The following LRMDA variants were observed in gnomAD, a reference collection of about 807,000 sequenced individuals.
LRMDA encodes leucine rich melanocyte differentiation associated.
In LRMDA, 18 loss-of-function variants were observed where a neutral mutation model predicts 29.8. That is an observed-to-expected ratio of 0.60 (90% confidence interval 0.42 to 0.90). The LOEUF (loss-of-function observed/expected upper bound fraction) is 0.90, where lower values mean the gene tolerates loss of function less well. LRMDA is among the 40% of genes least tolerant of loss of function. The probability of loss-of-function intolerance (pLI) is 0.00; values close to 1 mark genes in which losing one functional copy is unlikely to be tolerated. For missense variants in LRMDA, 273 were observed against 273.9 expected, an observed-to-expected ratio of 1.00 and a Z score of 0.02; for synonymous variants, 125 against 109.4, an observed-to-expected ratio of 1.14 and a Z score of -0.89.
intron 2 of LRMDA, among the ~76,000 whole-genome samples, chr10:75,502,657 T>C (rs1166142936): frequency 1.3e-5 from 2 of 152,230 alleles, no homozygotes; most frequent in African/African-American, 2.4e-5. Flanking sequence ...AAGTATGGGC[T>C]TAAGTTTACT....
intron 5 of LRMDA, among the ~76,000 whole-genome samples, chr10:76,255,317 G>C (rs781619954): frequency 2.0e-5 from 3 of 152,112 alleles, no homozygotes; most frequent in Non-Finnish European, 4.4e-5. Context: ...GCAATCTTCC[G>C]CTGTCCTTAA....
At chr10:75,734,409 G>A (rs982430179) in intron 2 of LRMDA, among the ~76,000 whole-genome samples, 1 of 151,956 alleles carries the variant, frequency 6.6e-6, no homozygotes, top group Non-Finnish European at 1.5e-5. Flanking sequence ...AAAGTCACAG[G>A]GTGAGTATTC....
At chr10:75,872,539 C>T (rs927709306) in intron 2 of LRMDA, among the ~76,000 whole-genome samples, 20 of 152,054 alleles carry the variant, frequency 1.3e-4, no homozygotes, top group Non-Finnish European at 2.6e-4. Context: ...CTCCTGACCT[C>T]GTGATCCGCC....
chr10:75,450,122 T>A (rs901565643), intron 2 of LRMDA: 1 of 152,200 alleles, frequency 6.6e-6, no homozygotes, highest in Non-Finnish European at 1.5e-5. Context: ...AAATTCTCCC[T>A]GGCCGAGACT....
At chr10:75,857,909 C>A (rs1217072723) in intron 2 of LRMDA, among the ~76,000 whole-genome samples, 1 of 152,212 alleles carries the variant, frequency 6.6e-6, no homozygotes, top group Non-Finnish European at 1.5e-5. Context: ...GTTTTACTGG[C>A]CCTACAGGGA....
At chr10:76,243,485 A>G (rs1002131521) in intron 5 of LRMDA, among the ~76,000 whole-genome samples, 1 of 152,230 alleles carries the variant, frequency 6.6e-6, no homozygotes, top group Non-Finnish European at 1.5e-5. Context: ...GGGCTGAGCT[A>G]TACAAAGGAG....
chr10:76,310,557 T>G (rs1042375112), intron 5 of LRMDA, among the ~76,000 whole-genome samples: 2 of 152,186 alleles, frequency 1.3e-5, no homozygotes, highest in Admixed American at 6.5e-5. Flanking sequence ...AAACTACCAT[T>G]TTGTTAGGTC....
intron 2 of LRMDA, among the ~76,000 whole-genome samples, chr10:75,945,859 A>G (rs1245834617): frequency 6.6e-6 from 1 of 152,126 alleles, no homozygotes; most frequent in African/African-American, 2.4e-5. Context: ...TCAGCTTGCC[A>G]TTTTAGAGAT....
At chr10:76,145,104 T>C (rs1419024232) in intron 5 of LRMDA, among the ~76,000 whole-genome samples, 3 of 152,240 alleles carry the variant, frequency 2.0e-5, no homozygotes, top group East Asian at 3.9e-4. Context: ...CAGTATTTTA[T>C]TGAGAATTTT....
At chr10:75,788,952 G>A (rs1843521046) in intron 2 of LRMDA, among the ~76,000 whole-genome samples, 1 of 152,240 alleles carries the variant, frequency 6.6e-6, no homozygotes, top group Non-Finnish European at 1.5e-5. Flanking sequence ...ACATGAACCA[G>A]CATTTGTGGA....
At chr10:76,086,252 C>T (rs982246215) in intron 5 of LRMDA, among the ~76,000 whole-genome samples, 1 of 152,206 alleles carries the variant, frequency 6.6e-6, no homozygotes, top group Non-Finnish European at 1.5e-5. Flanking sequence ...AGTTCACTCT[C>T]ACCAACCCAT....
chr10:75,863,189 T>A (rs949391351), intron 2 of LRMDA, among the ~76,000 whole-genome samples: 1 of 152,198 alleles, frequency 6.6e-6, no homozygotes, highest in Non-Finnish European at 1.5e-5. Context: ...TTATGGCTGG[T>A]TGTGCATCGC....
intron 6 of LRMDA, among the ~76,000 whole-genome samples, chr10:76,443,255 T>C (rs1459328328): frequency 1.3e-5 from 2 of 152,178 alleles, no homozygotes; most frequent in African/African-American, 2.4e-5. Flanking sequence ...AAGGGGGCTT[T>C]CTATTTTGCA....
At chr10:76,363,282 A>AGGAAGGAC (rs2132448155) in intron 6 of LRMDA, among the ~76,000 whole-genome samples, 1 of 134,358 alleles carries the variant, frequency 7.4e-6, no homozygotes, top group African/African-American at 2.9e-5. Flanking sequence ...AAGGAAAGGA[A>AGGAAGGAC]GGAAGGAAGG....
intron 6 of LRMDA, among the ~76,000 whole-genome samples, chr10:76,527,641 C>T (rs770381545): frequency 1.2e-4 from 19 of 152,148 alleles, no homozygotes; most frequent in Non-Finnish European, 2.4e-4. Context: ...TTGTTGTAAT[C>T]GTTGAATGAG....
chr10:76,226,558 T>G (rs1477960838), intron 5 of LRMDA, among the ~76,000 whole-genome samples: 1 of 152,036 alleles, frequency 6.6e-6, no homozygotes, highest in African/African-American at 2.4e-5. Context: ...ACTCCAGCCT[T>G]GGCGACAAGA....
chr10:75,562,302 T>C (rs538403582), intron 2 of LRMDA, among the ~76,000 whole-genome samples: 90 of 152,270 alleles, frequency 5.9e-4, no homozygotes, highest in Middle Eastern at 3.4e-3. Flanking sequence ...TCTTTGTCTC[T>C]TTTGATCTTT....
At chr10:75,879,324 G>A (rs533328669) in intron 2 of LRMDA, among the ~76,000 whole-genome samples, 15 of 152,156 alleles carry the variant, frequency 9.9e-5, no homozygotes, top group Non-Finnish European at 1.9e-4. Flanking sequence ...TTAGCCCTGC[G>A]TACCTTTGCC....
Position 76,542,964 on chromosome 10 carries a change from G to T in LRMDA, c.602-14245G>T, listed in dbSNP as rs139809878. On this transcript the variant is annotated intron_variant, in intron 6 of 6. Coordinates refer to ENST00000611255, the MANE Select transcript of LRMDA (RefSeq NM_001305581.2). Reference sequence around the variant, plus strand: ...TTCCAGACTGTGCTTAACCCTCTAGGTGAAGGGAAGTGAGGAGGCTGGCTT... The same window carrying T: ...TTCCAGACTGTGCTTAACCCTCTAGTTGAAGGGAAGTGAGGAGGCTGGCTT... Among the ~76,000 whole-genome samples the T allele has an allele frequency of 9.4e-3, 1,426 of 152,224 alleles. 27 individuals carry two copies. Among genetic ancestry groups the T allele is most frequent in the African/African-American group, 0.031 (1,283 of 41,532 alleles).
Sources: allele counts gnomAD v4.1 joint callset (sites outside exome capture counted in the v4.1 genomes callset), GRCh38; gene constraint gnomAD v4.1.1; transcripts MANE v1.5; gene names NCBI Gene and HGNC (gene_info 2026-07-23, HGNC 2026-07-21).